Variants in PLXND1 observed in about 807,000 individuals in gnomAD.
PLXND1 encodes the protein plexin-D1.
Under a neutral mutation model 197.7 loss-of-function variants are expected in PLXND1, and 54 were observed. The observed-to-expected ratio is 0.27, with a 90% CI of 0.22 to 0.34. The LOEUF (loss-of-function observed/expected upper bound fraction) is 0.34. Ranked by LOEUF, PLXND1 falls within the 10% of genes least tolerant of loss-of-function variation. The pLI, the probability that PLXND1 is intolerant of heterozygous loss-of-function variation, is 1.00. For synonymous variants in PLXND1, 1,180 were observed against 1,161.2 expected (o/e 1.02, Z -0.33); for missense variants, 2,127 against 2,699.2 (o/e 0.79, Z 4.70).
intron 8 of PLXND1, among the ~76,000 whole-genome samples, chr3:129,581,244 A>C (rs1224672078): frequency 6.6e-6 from 1 of 152,174 alleles, no homozygotes; most frequent in Admixed American, 6.5e-5. Context: ...CAAATTAAAC[A>C]TCAGTTCAGA....
chr3:129,591,101 G>A (rs1217520851), intron 1 of PLXND1, among the ~76,000 whole-genome samples: 5 of 152,304 alleles, frequency 3.3e-5, no homozygotes, highest in Non-Finnish European at 7.4e-5. Context: ...CGGCCGGATG[G>A]GCTTCTAGGC....
chr3:129,571,258 C>T lies in PLXND1; in HGVS notation c.3382G>A (p.Gly1128Arg). The T allele has an allele frequency of 1.2e-6, 2 of 1,613,824 alleles. No homozygotes were observed. Among genetic ancestry groups the T allele is most frequent in the Non-Finnish European group, 1.7e-6 (2 of 1,179,864 alleles). ...NSTLITCPSP[G>R]ALSNASAPVD... is the part of the protein sequence containing the mutation. ...GGCGCTGATGCGTTGCTCAGGGCCCCGGGGGACGGGCAGGTGATGAGGGTG... is the reference window on the plus strand; with the variant it reads ...GGCGCTGATGCGTTGCTCAGGGCCCTGGGGGACGGGCAGGTGATGAGGGTG... Residue 1128 changes from glycine (G) to arginine (R), a missense_variant, in exon 18 of 36, where the codon GGG becomes AGG. By Grantham distance (125) the Gly-to-Arg change is moderately radical (BLOSUM62 -2). Around this residue, in one of 6 missense-constraint regions of PLXND1, gnomAD observed 532 missense variants for 811.0 expected, o/e 0.66. Coordinates refer to ENST00000324093, the MANE Select transcript of PLXND1 (RefSeq NM_015103.3).
At chr3:129,595,629 G>A (rs924799958) in intron 1 of PLXND1, among the ~76,000 whole-genome samples, 7 of 152,280 alleles carry the variant, frequency 4.6e-5, no homozygotes, top group African/African-American at 4.8e-5. Context: ...CAGACCCTTC[G>A]GGGAGGCCTG....
chr3:129,578,747 T>A (rs1056303066), intron 8 of PLXND1, among the ~76,000 whole-genome samples: 5 of 152,136 alleles, frequency 3.3e-5, no homozygotes, highest in African/African-American at 1.2e-4. Context: ...GAGGCTGAAC[T>A]CCAGGCCCAG....
intron 2 of PLXND1, 37 bp downstream of exon 2, chr3:129,589,314 A>AG: frequency 5.8e-6 from 2 of 346,842 alleles, no homozygotes; most frequent in Non-Finnish European, 1.1e-5. Context: ...GGAGCCTCCC[A>AG]CCCCCACCCC....
At chr3:129,556,872 C>T (rs2084982017) in intron 34 of PLXND1, 181 bp from the exon 35 acceptor site, 1 of 689,198 alleles carries the variant, frequency 1.5e-6, no homozygotes, top group Non-Finnish European at 2.5e-6. Flanking sequence ...AGTCCAATCT[C>T]CTCTCCATCC....
At chr3:129,559,551 G>T in intron 32 of PLXND1, 69 bp downstream of exon 32, 1 of 1,308,174 alleles carries the variant, frequency 7.6e-7, no homozygotes, top group Non-Finnish European at 1.0e-6. Context: ...CAGAAGACTA[G>T]ACTCTGAACC....
chr3:129,561,366 C>T (rs942697885), intron 29 of PLXND1, among the ~76,000 whole-genome samples: 12 of 152,344 alleles, frequency 7.9e-5, no homozygotes, highest in African/African-American at 2.9e-4. Flanking sequence ...ATGCTGGCCC[C>T]CCTTCTGGCC....
chr3:129,597,297 C>A (rs943030190), intron 1 of PLXND1, among the ~76,000 whole-genome samples: 1 of 152,064 alleles, frequency 6.6e-6, no homozygotes, highest in Non-Finnish European at 1.5e-5. Flanking sequence ...GGAAATCAGC[C>A]GCTTGGAGCT....
Position 129,557,394 on chromosome 3 carries a change from C to G in PLXND1, c.5446-171G>C, listed in dbSNP as rs527269446. Among the ~76,000 whole-genome samples, 3 of 152,170 alleles carry G rather than the reference C, an allele frequency of 2.0e-5. No individual in the cohort carries two copies. The highest frequency in any genetic ancestry group is 4.4e-5 in the Non-Finnish European group (3 of 68,034). The stretch of plus-strand genomic sequence containing the variant: ...GTCCCCGCACTCAGCCGGCCCCAGA[C>G]CAGGGGCTCCTCACTGTGCTCTGTC... On this transcript the variant is annotated intron_variant, in intron 33 of 35. Transcript: ENST00000324093. This position sits in a 1 kb window ranked among gnomAD's most constrained non-coding sequence, Gnocchi z 4.8.
chr3:129,585,751 G>C (rs1312844279), intron 5 of PLXND1, among the ~76,000 whole-genome samples: 1 of 152,248 alleles, frequency 6.6e-6, no homozygotes, highest in African/African-American at 2.4e-5. Context: ...AGGCCTAACG[G>C]AGGTGGACGT....
intron 2 of PLXND1, 44 bp downstream of exon 2, chr3:129,589,307 G>GCCGGCCCCCCCCCCCCCCCCCCACC: frequency 1.5e-6 from 1 of 684,692 alleles, no homozygotes; most frequent in Non-Finnish European, 2.6e-6. Flanking sequence ...TCCCAGGGGA[G>GCCGGCCCCCCCCCCCCCCCCCCACC]CCTCCCACCC....
chr3:129,567,483 C>G lies in PLXND1; in HGVS notation c.4086+9G>C. On this transcript the variant is annotated intron_variant, in intron 22 of 35. Coordinates refer to ENST00000324093, the MANE Select transcript of PLXND1 (RefSeq NM_015103.3). ...CACAGGTTCAGGGCAGGCTCAGGCT[C>G]GGGCTGACCTTGGGGAAGAAGGTGC... The G allele has an allele frequency of 6.5e-7, 1 of 1,539,004 alleles. No individual in the cohort carries two copies. The highest frequency in any genetic ancestry group is 8.9e-7 in the Non-Finnish European group (1 of 1,120,938).
At chr3:129,580,517 A>C (rs1383814030) in intron 8 of PLXND1, among the ~76,000 whole-genome samples, 1 of 152,078 alleles carries the variant, frequency 6.6e-6, no homozygotes, top group African/African-American at 2.4e-5. Flanking sequence ...TCCTGGCCCC[A>C]GCCCACCCGG....
intron 22 of PLXND1, 39 bp from the exon 23 acceptor site, chr3:129,566,670 C>T: frequency 1.6e-6 from 2 of 1,289,604 alleles, no homozygotes; most frequent in Non-Finnish European, 2.2e-6. Flanking sequence ...CGGGGCTGGA[C>T]ACCCCCTGCT....
chr3:129,572,900 C>T lies in PLXND1; in HGVS notation c.2879G>A (p.Gly960Asp), dbSNP rs1183289492. 3.7e-6 allele frequency: 6 copies of T among 1,613,940 alleles called. No homozygotes were observed. Among genetic ancestry groups the T allele is most frequent in the Non-Finnish European group, 2.5e-6 (3 of 1,179,956 alleles). ...VTGPAPGPLSGVVTVNASKEG... is the reference protein window; with the variant it reads ...VTGPAPGPLSDVVTVNASKEG... ...CTTAGAGGCGTTCACGGTCACCACA[C>T]CTGAGAGTGGTCCTGGGGCTGGCCC... is the stretch of plus-strand genomic sequence containing the variant. The change falls in exon 14 of 36, where the codon GGT becomes GAT. Residue 960 changes from glycine to aspartate, a missense_variant. By Grantham distance (94) the Gly-to-Asp change is moderately conservative. Transcript: ENST00000324093.
rs1186851331 is a variant in PLXND1, at chr3:129,606,265, G to A, written c.375C>T (p.Asn125=). The change falls in exon 1 of 36, where the codon AAC becomes AAT. Residue 125 remains asparagine, a synonymous_variant. Coordinates refer to ENST00000324093, the MANE Select transcript of PLXND1 (RefSeq NM_015103.3). ...EHPRRLTDNY[N]KILQLDPGQG... is the part of the protein sequence containing the mutation. ...GGCCGGGGTCCAGCTGCAGGATCTT[G>A]TTGTAGTTGTCCGTGAGGCGCCGCG... The A allele has an allele frequency of 1.7e-5, 27 of 1,556,706 alleles. No individual in the cohort carries two copies. The highest frequency in any genetic ancestry group is 2.3e-5 in the Non-Finnish European group (27 of 1,156,996).
Position 129,571,519 on chromosome 3 carries a change from C to T in PLXND1, c.3326G>A (p.Arg1109Gln), listed in dbSNP as rs139947135. ...CCCCGAATGCCTCACCGTGGGCTCC[C>T]GGCCAATGTGGTGGACGGCCATGGA... ...NVSMAVHHIGREPTLCKVLNS... is the reference protein window; with the variant it reads ...NVSMAVHHIGQEPTLCKVLNS... The change falls in exon 17 of 36, where the codon CGG becomes CAG. Residue 1109 changes from arginine (R) to glutamine (Q), a missense_variant. Around this residue, in one of 6 missense-constraint regions of PLXND1, gnomAD observed 532 missense variants for 811.0 expected, o/e 0.66. Coordinates refer to ENST00000324093, the MANE Select transcript of PLXND1 (RefSeq NM_015103.3). 49 of 1,613,340 alleles carry T rather than the reference C, an allele frequency of 3.0e-5. No homozygotes were observed. The African/African-American group carries it at 4.0e-4, about 13-fold the overall frequency.
chr3:129,565,712 T>C (rs2085129554), intron 24 of PLXND1, among the ~76,000 whole-genome samples, 174 bp from the exon 25 acceptor site: 1 of 152,142 alleles, frequency 6.6e-6, no homozygotes, highest in South Asian at 2.1e-4. Flanking sequence ...CACCTTCTTC[T>C]ACGTCCACAG....
Sources: gnomAD v4.1 joint callset for allele counts (sites outside exome capture counted in the v4.1 genomes callset) on GRCh38, gnomAD v4.1.1 for gene constraint, gnomAD v4.1.1 regional missense constraint, Gnocchi (gnomAD v3.1) non-coding constraint, MANE v1.5 for transcripts, NCBI Gene and HGNC (gene_info 2026-07-23, HGNC 2026-07-21) for gene names.